The following LINGO2 variants were observed in gnomAD, a reference collection of about 807,000 sequenced individuals.
LINGO2 encodes the protein leucine-rich repeat and immunoglobulin-like domain-containing nogo receptor-interacting protein 2.
Under a neutral mutation model 30.6 loss-of-function variants are expected in LINGO2, and 14 were observed. The observed-to-expected ratio is 0.46, with a 90% CI of 0.30 to 0.72. LINGO2 has a LOEUF of 0.72. LINGO2 is among the 30% of genes least tolerant of loss of function. LINGO2 has a pLI of 0.07. For synonymous variants in LINGO2, 317 were observed against 288.5 expected, an observed-to-expected ratio of 1.10 and a Z score of -1.00; for missense variants, 729 against 751.7, an observed-to-expected ratio of 0.97 and a Z score of 0.35.
the LINGO2 span, among the ~76,000 whole-genome samples, chr9:28,867,662 C>T: frequency 1.1e-4 from 16 of 152,234 alleles, no homozygotes; most frequent in African/African-American, 3.4e-4. Flanking sequence ...TTTCTGACAA[C>T]AGACAACACA....
At chr9:27,984,659 C>T (rs758494471) in intron 5 of LINGO2, among the ~76,000 whole-genome samples, 17 of 151,730 alleles carry the variant, frequency 1.1e-4, no homozygotes, top group Non-Finnish European at 1.8e-4. Flanking sequence ...ATTTTGTGTT[C>T]CTAGCTCTGG....
At chr9:28,053,375 A>G (rs1387779896) in intron 4 of LINGO2, among the ~76,000 whole-genome samples, 3 of 151,702 alleles carry the variant, frequency 2.0e-5, no homozygotes, top group Non-Finnish European at 2.9e-5. Flanking sequence ...AATGCTAAGC[A>G]GAAGCAAGAT....
At chr9:28,031,353 G>GTTT (rs141386644) in intron 4 of LINGO2, among the ~76,000 whole-genome samples, 24 of 135,342 alleles carry the variant, frequency 1.8e-4, no homozygotes, top group African/African-American at 5.7e-4. Context: ...AAACAGGATG[G>GTTT]TTTTTTTTTT....
chr9:28,412,868 T>C (rs1411755837), intron 2 of LINGO2, among the ~76,000 whole-genome samples: 2 of 152,068 alleles, frequency 1.3e-5, no homozygotes, highest in Non-Finnish European at 2.9e-5. Flanking sequence ...GCAGATTTTG[T>C]TCCACCTCCT....
At chr9:28,400,191 A>G (rs1822205881) in intron 2 of LINGO2, among the ~76,000 whole-genome samples, 1 of 152,136 alleles carries the variant, frequency 6.6e-6, no homozygotes, top group Admixed American at 6.5e-5. Flanking sequence ...ACTATAGCCT[A>G]TTTTGTGAAG....
chr9:29,151,133 T>A, the LINGO2 span, among the ~76,000 whole-genome samples: 3 of 151,142 alleles, frequency 2.0e-5, no homozygotes, highest in Non-Finnish European at 4.4e-5. Context: ...AAAAAAAAAA[T>A]TTCAACCAAG....
At chr9:28,628,686 CT>C (rs1420966956) in intron 1 of LINGO2, among the ~76,000 whole-genome samples, 1 of 152,074 alleles carries the variant, frequency 6.6e-6, no homozygotes, top group African/African-American at 2.4e-5. Flanking sequence ...ACTTTATCCC[CT>C]TGGTACCTAG....
the LINGO2 span, among the ~76,000 whole-genome samples, chr9:28,978,120 T>C: frequency 6.6e-6 from 1 of 152,188 alleles, no homozygotes; most frequent in Non-Finnish European, 1.5e-5. Context: ...ATTTCCACTA[T>C]ATATGTGAAC....
the LINGO2 span, among the ~76,000 whole-genome samples, chr9:28,876,080 C>T: frequency 1.3e-5 from 2 of 151,992 alleles, no homozygotes; most frequent in Admixed American, 1.3e-4. Context: ...TAACATAACT[C>T]TGCTGGGTCT....
chr9:27,995,251 G>T (rs1299235895), intron 5 of LINGO2, among the ~76,000 whole-genome samples: 1 of 151,996 alleles, frequency 6.6e-6, no homozygotes, highest in Admixed American at 6.6e-5. Context: ...GTAATAAAAA[G>T]CCTCCCATCA....
At chr9:28,787,628 T>C in the LINGO2 span, among the ~76,000 whole-genome samples, 1 of 152,168 alleles carries the variant, frequency 6.6e-6, no homozygotes, top group Non-Finnish European at 1.5e-5. Flanking sequence ...GGTAGTTCCT[T>C]AGTAATCTGT....
the LINGO2 span, among the ~76,000 whole-genome samples, chr9:28,783,233 G>A: frequency 0.01 from 1,539 of 152,146 alleles, 27 homozygotes; most frequent in African/African-American, 0.035. Flanking sequence ...ATGGGGAACC[G>A]GTTCTAGAAC....
At chr9:28,583,032 G>T (rs1824339618) in intron 1 of LINGO2, among the ~76,000 whole-genome samples, 2 of 151,968 alleles carry the variant, frequency 1.3e-5, no homozygotes, top group African/African-American at 4.8e-5. Context: ...ATCATTAAAT[G>T]AGGGAAAAAT....
intron 1 of LINGO2, among the ~76,000 whole-genome samples, chr9:28,629,618 G>C (rs1027106871): frequency 2.3e-4 from 35 of 151,952 alleles, no homozygotes; most frequent in Admixed American, 2.3e-3. Flanking sequence ...CAAGCACAGA[G>C]CCCACATCTG....
At chr9:27,941,908 A>C in the LINGO2 span, 1 of 152,044 alleles carries the variant, frequency 6.6e-6, no homozygotes, top group Non-Finnish European at 1.5e-5. Context: ...GGCTGAGTGA[A>C]GGCTAACTCA....
chr9:28,383,853 A>G (rs80327795), intron 2 of LINGO2, among the ~76,000 whole-genome samples: 2,468 of 152,152 alleles, frequency 0.016, 70 homozygotes, highest in African/African-American at 0.056. Flanking sequence ...TGTTTTGTAT[A>G]TGCACTTTTT....
At chr9:28,032,885 C>T (rs1190273974) in intron 4 of LINGO2, among the ~76,000 whole-genome samples, 1 of 152,214 alleles carries the variant, frequency 6.6e-6, no homozygotes, top group African/African-American at 2.4e-5. Flanking sequence ...ATAAAGTTTT[C>T]CATCAGGCGG....
chr9:28,045,242 CTG>C (rs941144675), intron 4 of LINGO2, among the ~76,000 whole-genome samples: 6 of 152,212 alleles, frequency 3.9e-5, no homozygotes, highest in African/African-American at 1.4e-4. Context: ...ATCTAAAACA[CTG>C]AGCCTGTAAA....
At chr9:28,821,600 G>C in the LINGO2 span, among the ~76,000 whole-genome samples, 2 of 152,128 alleles carry the variant, frequency 1.3e-5, no homozygotes, top group Non-Finnish European at 2.9e-5. Flanking sequence ...AAAAGTACTT[G>C]GGCAAAGCCT....
Sources: gnomAD v4.1 joint callset for allele counts (sites outside exome capture counted in the v4.1 genomes callset) on GRCh38, gnomAD v4.1.1 for gene constraint, MANE v1.5 for transcripts, NCBI Gene and HGNC (gene_info 2026-07-23, HGNC 2026-07-21) for gene names.